LAMC1: variants seen among roughly 807,000 people sequenced by gnomAD.
The protein encoded by LAMC1 is laminin subunit gamma-1.
LAMC1 carries 38 observed loss-of-function variants against 173.6 expected under a neutral mutation model. The observed-to-expected ratio is 0.22, with a 90% CI of 0.17 to 0.29. LAMC1 has a LOEUF of 0.29. LAMC1 is among the 10% of genes least tolerant of loss of function. LAMC1 has a pLI of 1.00. For synonymous variants in LAMC1, 746 were observed against 749.1 expected, an observed-to-expected ratio of 1.00 and a Z score of 0.07; for missense variants, 1,824 against 2,051.8, an observed-to-expected ratio of 0.89 and a Z score of 2.14.
At chr1:183,062,200 CA>C in intron 1 of LAMC1, among the ~76,000 whole-genome samples, 1 of 152,162 alleles carries the variant, frequency 6.6e-6, no homozygotes, top group Admixed American at 6.5e-5. Context: ...ATTTTGTTTG[CA>C]AAATTAAAAA....
chr1:183,069,731 G>A (rs936604896), intron 1 of LAMC1, among the ~76,000 whole-genome samples: 19 of 152,234 alleles, frequency 1.2e-4, no homozygotes, highest in African/African-American at 4.1e-4. Flanking sequence ...ACAGCAGTAA[G>A]GAGCATCGGC....
At chr1:183,059,173 G>A (rs997607279) in intron 1 of LAMC1, among the ~76,000 whole-genome samples, 1 of 152,204 alleles carries the variant, frequency 6.6e-6, no homozygotes, top group African/African-American at 2.4e-5. Context: ...GCTTTGAGGA[G>A]GCTGTATTAG....
At chr1:183,128,843 C>A (rs1656699430) in intron 18 of LAMC1, 93 bp downstream of exon 18, 2 of 1,029,046 alleles carry the variant, frequency 1.9e-6, no homozygotes, top group Non-Finnish European at 2.6e-6. Flanking sequence ...TTATAAAATT[C>A]TTTCTCAGTT....
intron 1 of LAMC1, among the ~76,000 whole-genome samples, chr1:183,026,463 TA>T (rs762619126): frequency 6.6e-6 from 1 of 152,154 alleles, no homozygotes; most frequent in Non-Finnish European, 1.5e-5. Context: ...ATCAACAATT[TA>T]TGACAAGTAG....
intron 1 of LAMC1, among the ~76,000 whole-genome samples, chr1:183,061,026 A>G (rs1170734706): frequency 1.3e-5 from 2 of 152,200 alleles, no homozygotes; most frequent in African/African-American, 2.4e-5. Flanking sequence ...GAGTTGCAGG[A>G]AAATTAGTAT....
In LAMC1 at chr1:183,133,496, G is replaced by A. The variant is rs1033430335; in HGVS notation, c.3795G>A (p.Val1265=). 5.6e-6 allele frequency: 9 copies of A among 1,613,992 alleles called. No homozygotes were observed. The highest frequency in any genetic ancestry group is 7.6e-6 in the Non-Finnish European group (9 of 1,179,888). ...EEAKRAGDKA[V]EIYASVAQLS... is the part of the protein sequence containing the mutation. ...CCAAAAGGGCCGGTGACAAAGCTGT[G>A]GAGATCTATGCCAGCGTGGCTCAGC... The change falls in exon 22 of 28, where the codon GTG becomes GTA. Residue 1265 remains valine, a synonymous_variant. Coordinates refer to ENST00000258341, the MANE Select transcript of LAMC1 (RefSeq NM_002293.4).
chr1:183,035,637 A>T (rs953982571), intron 1 of LAMC1, among the ~76,000 whole-genome samples: 1 of 152,182 alleles, frequency 6.6e-6, no homozygotes, highest in Non-Finnish European at 1.5e-5. Context: ...GATAGAAAAA[A>T]TATGCTCTAC....
chr1:183,064,123 G>T (rs1177338573), intron 1 of LAMC1, among the ~76,000 whole-genome samples: 1 of 152,184 alleles, frequency 6.6e-6, no homozygotes, highest in Non-Finnish European at 1.5e-5. Flanking sequence ...AGGCAGATGT[G>T]TTTAGGCTTT....
chr1:183,116,869 C>A lies in LAMC1; in HGVS notation c.1530C>A (p.Tyr510Ter), dbSNP rs1656338389. ...CTGTCTGTACAAACGCTGTTGGCTA[C>A]AGTGTTTATTCTATCTCCTCTACCT... ...HSSVCTNAVG[Y>*]SVYSISSTFQ... Residue 510 changes from tyrosine to a stop codon, truncating the protein, a stop_gained, in exon 8 of 28, where the codon TAC (tyrosine) becomes TAA (stop). Coordinates refer to ENST00000258341, the MANE Select transcript of LAMC1 (RefSeq NM_002293.4). LOFTEE classifies it high-confidence loss of function. 1 of 1,613,972 alleles carries A rather than the reference C, an allele frequency of 6.2e-7. No individual in the cohort carries two copies. The highest frequency in any genetic ancestry group is 1.7e-5 in the Admixed American group (1 of 60,006).
intron 21 of LAMC1, 117 bp from the exon 22 acceptor site, chr1:183,133,289 A>T (rs1656848617): frequency 3.7e-6 from 3 of 815,200 alleles, no homozygotes; most frequent in Non-Finnish European, 3.9e-6. Flanking sequence ...AAGCATTTTA[A>T]TGTAGCATTT....
At position 183,035,425 on chromosome 1, in the gene LAMC1, A is replaced by G. The variant is rs765863220; in HGVS notation, c.418+11291A>G. 3.7e-4 allele frequency among the ~76,000 whole-genome samples: 56 copies of G among 152,224 alleles called. 1 individual carries two copies. The highest frequency in any genetic ancestry group is 3.4e-3 in the Middle Eastern group (1 of 290). Reference sequence around the variant, plus strand: ...TGGACCCGAACTCCTGGCCTCGAGCAATCCTCCTGCCTTGGCCTCCCAAAG... The same window carrying G: ...TGGACCCGAACTCCTGGCCTCGAGCGATCCTCCTGCCTTGGCCTCCCAAAG... On this transcript the variant is annotated intron_variant, in intron 1 of 27. Coordinates refer to ENST00000258341, the MANE Select transcript of LAMC1 (RefSeq NM_002293.4).
Position 183,103,329 on chromosome 1 carries a change from A to G in LAMC1, c.420A>G (p.Gly140=). ...PSSINLTLHL[G]KAFDITYVRL... Reference sequence around the variant, plus strand: ...ACCTTTGATGTGTTTGTCCCACAGGAAAAGCTTTTGACATCACCTATGTGC... The same window carrying G: ...ACCTTTGATGTGTTTGTCCCACAGGGAAAGCTTTTGACATCACCTATGTGC... Residue 140 remains glycine (G), a splice_region_variant and synonymous_variant, in exon 2 of 28, where the codon GGA becomes GGG. Coordinates refer to ENST00000258341, the MANE Select transcript of LAMC1 (RefSeq NM_002293.4). The G allele has an allele frequency of 6.2e-7, 1 of 1,612,302 alleles. No homozygotes were observed. The highest frequency in any genetic ancestry group is 8.5e-7 in the Non-Finnish European group (1 of 1,178,928).
At chr1:183,071,467 C>T (rs1261697576) in intron 1 of LAMC1, among the ~76,000 whole-genome samples, 1 of 152,066 alleles carries the variant, frequency 6.6e-6, no homozygotes, top group African/African-American at 2.4e-5. Flanking sequence ...ATTCCGGCCT[C>T]ATTATTTGGA....
At chr1:183,036,637 C>A (rs925575170) in intron 1 of LAMC1, among the ~76,000 whole-genome samples, 3 of 150,552 alleles carry the variant, frequency 2.0e-5, no homozygotes, top group Non-Finnish European at 4.4e-5. Context: ...GTGATCCGCC[C>A]GCCTCGGCTT....
intron 1 of LAMC1, among the ~76,000 whole-genome samples, chr1:183,086,985 A>G (rs1655445312): frequency 6.6e-6 from 1 of 152,234 alleles, no homozygotes; most frequent in African/African-American, 2.4e-5. Context: ...TGTATACATT[A>G]AAGTTCATCT....
intron 1 of LAMC1, among the ~76,000 whole-genome samples, chr1:183,036,386 C>CTGCG (rs1653983476): frequency 6.7e-6 from 1 of 150,090 alleles, no homozygotes; most frequent in African/African-American, 2.4e-5. Context: ...GCGTGAGCCA[C>CTGCG]CACGCCAGTC....
intron 18 of LAMC1, among the ~76,000 whole-genome samples, chr1:183,129,498 A>C (rs938770136): frequency 2.6e-5 from 4 of 152,094 alleles, no homozygotes; most frequent in Admixed American, 2.0e-4. Context: ...TTGGTAGCCA[A>C]GTTCCAAGTT....
intron 11 of LAMC1, among the ~76,000 whole-genome samples, chr1:183,118,662 G>A (rs552146479): frequency 3.8e-4 from 57 of 151,918 alleles, no homozygotes; most frequent in Admixed American, 2.8e-3. Flanking sequence ...GGCAGTGGTT[G>A]CAGTGAGCTG....
At chr1:183,090,451 G>C (rs1053461345) in intron 1 of LAMC1, among the ~76,000 whole-genome samples, 4 of 152,128 alleles carry the variant, frequency 2.6e-5, no homozygotes, top group African/African-American at 9.7e-5. Flanking sequence ...CTGCAAAGAG[G>C]GTGGATGAAT....
Sources: allele counts gnomAD v4.1 joint callset (sites outside exome capture counted in the v4.1 genomes callset), GRCh38; gene constraint gnomAD v4.1.1; transcripts MANE v1.5; gene names NCBI Gene and HGNC (gene_info 2026-07-23, HGNC 2026-07-21).